Variants in PLXNA2 observed in about 807,000 individuals in gnomAD.
The protein encoded by PLXNA2 is plexin-A2.
Under a neutral mutation model 193.5 loss-of-function variants are expected in PLXNA2, and 91 were observed. The ratio of observed to expected loss-of-function variants is 0.47; its 90% CI spans 0.40 to 0.56. The LOEUF (loss-of-function observed/expected upper bound fraction) is 0.56, where lower values mean the gene tolerates loss of function less well. PLXNA2 is among the 20% of genes least tolerant of loss of function. PLXNA2 has a pLI of 0.00. For missense variants in PLXNA2, 1,995 were observed against 2,503.2 expected (o/e 0.80, Z 4.33); for synonymous variants, 997 against 1,027.3 (o/e 0.97, Z 0.56).
intron 3 of PLXNA2, among the ~76,000 whole-genome samples, chr1:208,185,619 A>G (rs1369117123): frequency 8.0e-6 from 1 of 125,648 alleles, no homozygotes; most frequent in African/African-American, 3.1e-5. Context: ...CCAGCCCCCA[A>G]CCCCCTGGCA....
intron 1 of PLXNA2, among the ~76,000 whole-genome samples, chr1:208,241,280 T>C (rs985917019): frequency 6.6e-6 from 1 of 152,238 alleles, no homozygotes; most frequent in South Asian, 2.1e-4. Flanking sequence ...AAGGAACTTT[T>C]ACATTCACCG....
chr1:208,041,968 G>A (rs1571852930), intron 22 of PLXNA2, 130 bp downstream of exon 22: 2 of 941,454 alleles, frequency 2.1e-6, no homozygotes, highest in East Asian at 4.8e-5. Flanking sequence ...TGAGGACACA[G>A]GCTGCTCTGA....
In PLXNA2 at chr1:208,040,043, A is replaced by C. The variant is rs1664816788; in HGVS notation, c.4302T>G (p.Ala1434=). 6.2e-7 allele frequency: 1 copy of C among 1,614,040 alleles called. No homozygotes were observed. Among genetic ancestry groups the C allele is most frequent in the East Asian group, 2.2e-5 (1 of 44,870 alleles). ...KLLLRRTESV[A]EKMLTNWFAF... ...CGAACCAATTGGTCAGCATCTTTTC[A>C]GCCACAGACTCTGTCCTGGGGAAGG... is the stretch of plus-strand genomic sequence containing the variant. The change falls in exon 23 of 32, where the codon GCT becomes GCG. Residue 1434 remains alanine (A), a synonymous_variant. Transcript: ENST00000367033.
In PLXNA2 at chr1:208,233,958, C is replaced by T. The variant is rs60782145; in HGVS notation, c.-81+9685G>A. 6.1e-3 allele frequency among the ~76,000 whole-genome samples: 923 copies of T among 152,084 alleles called. 9 individuals are homozygous for T. Among genetic ancestry groups the T allele is most frequent in the African/African-American group, 0.018 (753 of 41,462 alleles). On this transcript the variant is annotated intron_variant, in intron 1 of 31. Coordinates refer to ENST00000367033, the MANE Select transcript of PLXNA2 (RefSeq NM_025179.4). ...AAGGGCTGTGGTGTGTGCTAAGGGCCGGCAGATGGGAAGAGAAGAGGAGAG... is the reference window on the plus strand; with the variant it reads ...AAGGGCTGTGGTGTGTGCTAAGGGCTGGCAGATGGGAAGAGAAGAGGAGAG...
chr1:208,193,770 G>A (rs1003844936), intron 3 of PLXNA2, among the ~76,000 whole-genome samples: 4 of 152,094 alleles, frequency 2.6e-5, no homozygotes, highest in Non-Finnish European at 5.9e-5. Context: ...GCTCACACCT[G>A]TAATCCCAGC....
At chr1:208,209,993 T>TTC (rs1558245793) in intron 3 of PLXNA2, 32 of 182,582 alleles carry the variant, frequency 1.8e-4, no homozygotes, top group African/African-American at 7.7e-4. Context: ...ATTTTTTTTT[T>TTC]TTTTTTTTTT....
chr1:208,100,134 G>A (rs1667047545), intron 5 of PLXNA2, among the ~76,000 whole-genome samples: 1 of 152,064 alleles, frequency 6.6e-6, no homozygotes, highest in African/African-American at 2.4e-5. Context: ...AGCACTTTGG[G>A]AGGCTAAGAT....
intron 28 of PLXNA2, 27 bp downstream of exon 28, chr1:208,033,292 C>T: frequency 1.3e-6 from 2 of 1,594,534 alleles, no homozygotes; most frequent in Non-Finnish European, 1.7e-6. Context: ...AACAAGCACT[C>T]CCTGGTCTGG....
chr1:208,180,563 G>A (rs1033267394), intron 3 of PLXNA2, among the ~76,000 whole-genome samples: 2 of 152,094 alleles, frequency 1.3e-5, no homozygotes, highest in Non-Finnish European at 2.9e-5. Context: ...ATCAGGCACC[G>A]CGTTACACCC....
chr1:208,166,255 C>T (rs1355961633), intron 3 of PLXNA2, among the ~76,000 whole-genome samples: 6 of 152,186 alleles, frequency 3.9e-5, no homozygotes, highest in Non-Finnish European at 5.9e-5. Flanking sequence ...ACCTTCTCTC[C>T]GAGAGATTTC....
At chr1:208,088,999 C>T (rs925226135) in intron 9 of PLXNA2, among the ~76,000 whole-genome samples, 1 of 152,004 alleles carries the variant, frequency 6.6e-6, no homozygotes, top group African/African-American at 2.4e-5. Context: ...TAATATAATC[C>T]ACTTCATAGA....
rs746484415 is a variant in PLXNA2, at chr1:208,084,501, T to C, written c.2177A>G (p.Asn726Ser). ...CTGGCCGGACTGCGGCTGGGGCAGA[T>C]TTCGCGCCTTAAGGGTGATTGGCTT... ...EVKPITLKARNLPQPQSGQRG... is the reference protein window; with the variant it reads ...EVKPITLKARSLPQPQSGQRG... Residue 726 changes from asparagine to serine, a missense_variant, in exon 10 of 32, where the codon AAT (asparagine) becomes AGT (serine). Asn to Ser is a conservative substitution (Grantham distance 46). Coordinates refer to ENST00000367033, the MANE Select transcript of PLXNA2 (RefSeq NM_025179.4). The C allele has an allele frequency of 6.2e-7, 1 of 1,614,194 alleles. No homozygotes were observed. Among genetic ancestry groups the C allele is most frequent in the Non-Finnish European group, 8.5e-7 (1 of 1,180,032 alleles).
rs767649079 is a variant in PLXNA2, at chr1:208,060,692, G to A, written c.2732C>T (p.Ala911Val). 2 of 1,613,540 alleles carry A rather than the reference G, an allele frequency of 1.2e-6. No individual in the cohort carries two copies. The highest frequency in any genetic ancestry group is 1.7e-6 in the Non-Finnish European group (2 of 1,179,696). Reference sequence around the variant, plus strand: ...CTGGCCAGGGCGGACTCACTGCTCAGCGATGATGTATTCCCCTGGGAGGGG... The same window carrying A: ...CTGGCCAGGGCGGACTCACTGCTCAACGATGATGTATTCCCCTGGGAGGGG... ...CTPLPGEYII[A>V]EQIVCEMGHA... Residue 911 changes from alanine (A) to valine (V), a missense_variant, in exon 13 of 32, where the codon GCT (alanine) becomes GTT (valine). By Grantham distance (64) the Ala-to-Val change is moderately conservative. This residue lies in a region of PLXNA2 where 1,291 missense variants were observed against 1,673.6 expected (regional missense o/e 0.77). Coordinates refer to ENST00000367033, the MANE Select transcript of PLXNA2 (RefSeq NM_025179.4).
At chr1:208,046,937 G>A (rs1665089535) in intron 17 of PLXNA2, among the ~76,000 whole-genome samples, 2 of 151,884 alleles carry the variant, frequency 1.3e-5, no homozygotes, top group African/African-American at 4.8e-5. Flanking sequence ...TGAAAAATAG[G>A]ATTCTGCAAC....
rs148993386 is a variant in PLXNA2 at position 208,211,420 on chromosome 1, A to T, written c.1189-958T>A. Among the ~76,000 whole-genome samples, 32 of 152,316 alleles carry T rather than the reference A, an allele frequency of 2.1e-4. No individual in the cohort carries two copies. The East Asian group carries it at 6.0e-3, about 28-fold the overall frequency. On this transcript the variant is annotated intron_variant, in intron 2 of 31. Coordinates refer to ENST00000367033, the MANE Select transcript of PLXNA2 (RefSeq NM_025179.4). ...AGTGAAAAAAAAATTGTGGCCGGGC[A>T]CGGTGGCTCACGCCTGTAATCCCAG...
At chr1:208,160,343 G>A (rs1041715288) in intron 3 of PLXNA2, among the ~76,000 whole-genome samples, 1 of 152,198 alleles carries the variant, frequency 6.6e-6, no homozygotes, top group African/African-American at 2.4e-5. Flanking sequence ...TCAAGTTCTG[G>A]GTATTTGAGA....
Position 208,039,711 on chromosome 1 carries a change from C to T in PLXNA2, c.4410G>A (p.Glu1470=). 1 of 1,614,228 alleles carries T rather than the reference C, an allele frequency of 6.2e-7. No individual in the cohort carries two copies. Among genetic ancestry groups the T allele is most frequent in the South Asian group, 1.1e-5 (1 of 91,088 alleles). ...MLYCAIKQQM[E]KGPIDAITGE... The stretch of plus-strand genomic sequence containing the variant: ...CCGTGATGGCATCAATGGGGCCCTT[C>T]TCCATCTGCTGCTTGATGGCACAGT... The change falls in exon 24 of 32, where the codon GAG becomes GAA. Residue 1470 remains glutamate, a synonymous_variant. Coordinates refer to ENST00000367033, the MANE Select transcript of PLXNA2 (RefSeq NM_025179.4).
chr1:208,232,028 G>A (rs1173028493), intron 1 of PLXNA2, among the ~76,000 whole-genome samples: 2 of 152,190 alleles, frequency 1.3e-5, no homozygotes, highest in African/African-American at 2.4e-5. Context: ...GAATTCTTGG[G>A]CCCTGTGAAT....
Position 208,162,543 on chromosome 1 carries a change from A to G in PLXNA2, c.1372-20080T>C, listed in dbSNP as rs1669164042. Among the ~76,000 whole-genome samples the G allele has an allele frequency of 2.6e-5, 4 of 152,326 alleles. No homozygotes were observed. In the South Asian group the frequency reaches 8.3e-4, roughly 32 times the overall value. On this transcript the variant is annotated intron_variant, in intron 3 of 31. Coordinates refer to ENST00000367033, the MANE Select transcript of PLXNA2 (RefSeq NM_025179.4). ...TTTCTTTGAGGAGACTATGGGGAGA[A>G]GCAGAATCTTTTTAGGGGAGTACAA...
Sources: gnomAD v4.1 joint callset for allele counts (sites outside exome capture counted in the v4.1 genomes callset) on GRCh38, gnomAD v4.1.1 for gene constraint, gnomAD v4.1.1 regional missense constraint, MANE v1.5 for transcripts, NCBI Gene and HGNC (gene_info 2026-07-23, HGNC 2026-07-21) for gene names.